CDH12: variants seen among roughly 807,000 people sequenced by gnomAD.
CDH12 encodes the protein cadherin-12.
A neutral mutation model predicts 74.1 loss-of-function variants in CDH12; 41 were observed. The ratio of observed to expected loss-of-function variants is 0.55; its 90% CI spans 0.43 to 0.72. The LOEUF (loss-of-function observed/expected upper bound fraction) is 0.72, where lower values mean the gene tolerates loss of function less well. CDH12 is among the 30% of genes least tolerant of loss of function. The pLI is 0.00. For missense variants in CDH12, 945 were observed against 977.2 expected (o/e 0.97, Z 0.44); for synonymous variants, 399 against 355.0 (o/e 1.12, Z -1.39).
intron 3 of CDH12, among the ~76,000 whole-genome samples, chr5:22,321,550 C>T (rs1317755036): frequency 3.1e-4 from 45 of 143,470 alleles, no homozygotes; most frequent in Non-Finnish European, 5.4e-4. Flanking sequence ...TGCTAGATGA[C>T]GAGTTAGTGG....
At chr5:21,906,571 T>C (rs1354570764) in intron 6 of CDH12, among the ~76,000 whole-genome samples, 4 of 152,052 alleles carry the variant, frequency 2.6e-5, no homozygotes, top group African/African-American at 4.8e-5. Context: ...ATATAATCCT[T>C]CAAATGATCT....
At chr5:22,660,391 G>T (rs375528667) in intron 1 of CDH12, among the ~76,000 whole-genome samples, 4 of 152,114 alleles carry the variant, frequency 2.6e-5, no homozygotes, top group East Asian at 3.8e-4. Flanking sequence ...AAATTCCAAC[G>T]TGAAGAGATT....
intron 8 of CDH12, among the ~76,000 whole-genome samples, chr5:21,832,907 TG>T (rs61147306): frequency 1.2e-5 from 1 of 80,808 alleles, no homozygotes; most frequent in African/African-American, 8.1e-5. Flanking sequence ...ATATAATATA[TG>T]ATATAATATT....
Position 22,078,529 on chromosome 5 carries a change from G to C in CDH12, c.148C>G (p.Gln50Glu). The C allele has an allele frequency of 6.2e-7, 1 of 1,613,908 alleles. No homozygotes were observed. The highest frequency in any genetic ancestry group is 8.5e-7 in the Non-Finnish European group (1 of 1,179,830). Residue 50 changes from glutamine to glutamate, a missense_variant, in exon 5 of 15, where the codon CAA becomes GAA. Physicochemically the swap from Gln to Glu is conservative, Grantham distance 29 (BLOSUM62 2). This residue lies in a region of CDH12 where 148 missense variants were observed against 162.8 expected (regional missense o/e 0.91). Coordinates refer to ENST00000382254, the MANE Select transcript of CDH12 (RefSeq NM_004061.5). ...CATACCCAGCCACGTTTAACACGTTGGAAATGTGACCGTTGTCCTGGCAGA... is the reference window on the plus strand; with the variant it reads ...CATACCCAGCCACGTTTAACACGTTCGAAATGTGACCGTTGTCCTGGCAGA... ...IHLPGQRSHF[Q>E]RVKRGWVWNQ...
At chr5:22,345,999 G>A (rs930958901) in intron 3 of CDH12, among the ~76,000 whole-genome samples, 1 of 151,766 alleles carries the variant, frequency 6.6e-6, no homozygotes, top group Admixed American at 6.6e-5. Flanking sequence ...CCAGCTACTC[G>A]GGAGGCTGAG....
chr5:22,348,002 C>T (rs183997409), intron 3 of CDH12, among the ~76,000 whole-genome samples: 7 of 152,244 alleles, frequency 4.6e-5, no homozygotes, highest in East Asian at 1.9e-4. Context: ...TCCTCCAGGA[C>T]GGTTCACCTT....
At chr5:22,329,064 A>T (rs761093825) in intron 3 of CDH12, among the ~76,000 whole-genome samples, 10 of 152,208 alleles carry the variant, frequency 6.6e-5, no homozygotes, top group Admixed American at 2.0e-4. Context: ...CTCAACACTG[A>T]GTAATTAATA....
intron 4 of CDH12, among the ~76,000 whole-genome samples, chr5:22,161,425 T>C (rs573229161): frequency 1.4e-4 from 22 of 152,252 alleles, no homozygotes; most frequent in African/African-American, 5.3e-4. Context: ...TGGCTGGGCA[T>C]GTTAGCTCAC....
chr5:22,669,049 A>G (rs1740771534), intron 1 of CDH12, among the ~76,000 whole-genome samples: 1 of 152,148 alleles, frequency 6.6e-6, no homozygotes, highest in Non-Finnish European at 1.5e-5. Context: ...CAAATGTGTT[A>G]TCATAACACT....
chr5:21,789,884 G>A (rs2149906018), intron 10 of CDH12, among the ~76,000 whole-genome samples: 1 of 152,128 alleles, frequency 6.6e-6, no homozygotes, highest in Middle Eastern at 3.4e-3. Flanking sequence ...TGTTGCCAAG[G>A]ACCTGGGATG....
At chr5:22,563,015 T>G (rs1224654591) in intron 1 of CDH12, among the ~76,000 whole-genome samples, 4 of 147,652 alleles carry the variant, frequency 2.7e-5, no homozygotes, top group East Asian at 2.0e-4. Flanking sequence ...AATATATATT[T>G]CTATATTTAA....
At chr5:22,240,728 T>G (rs1692801910) in intron 3 of CDH12, among the ~76,000 whole-genome samples, 1 of 152,030 alleles carries the variant, frequency 6.6e-6, no homozygotes, top group South Asian at 2.1e-4. Context: ...GAGATAGGGT[T>G]TCACCATGTT....
At chr5:21,996,146 G>C in intron 5 of CDH12, among the ~76,000 whole-genome samples, 1 of 121,898 alleles carries the variant, frequency 8.2e-6, no homozygotes, top group Non-Finnish European at 1.7e-5. Flanking sequence ...ATGCCTGCTT[G>C]AAGTGTAGAC....
rs149366308 is a variant in CDH12 at position 22,500,023 on chromosome 5, C to A, written c.-428+5247G>T. 6.0e-4 allele frequency among the ~76,000 whole-genome samples: 91 copies of A among 152,134 alleles called. 1 individual carries two copies. In the East Asian group the frequency reaches 0.011, roughly 19 times the overall value. ...CAGGCTCATGATCGTCCTTGAATAA[C>A]TGATTTTTTTTATTTCCTGCACTGT... On this transcript the variant is annotated intron_variant, in intron 2 of 14. Transcript: ENST00000382254.
intron 5 of CDH12, among the ~76,000 whole-genome samples, chr5:21,983,574 G>C (rs925719452): frequency 6.6e-6 from 1 of 152,132 alleles, no homozygotes; most frequent in African/African-American, 2.4e-5. Context: ...TGGACACTTA[G>C]TAAATTTTCT....
intron 5 of CDH12, among the ~76,000 whole-genome samples, chr5:22,059,277 A>G (rs1372110054): frequency 6.6e-6 from 1 of 151,524 alleles, no homozygotes; most frequent in Non-Finnish European, 1.5e-5. Context: ...CTATCTATCT[A>G]TCTATCTATC....
chr5:22,585,203 T>A (rs1203088435), intron 1 of CDH12, among the ~76,000 whole-genome samples: 1 of 152,206 alleles, frequency 6.6e-6, no homozygotes, highest in African/African-American at 2.4e-5. Flanking sequence ...AATATTTTCT[T>A]CCAGCACCCT....
intron 1 of CDH12, among the ~76,000 whole-genome samples, chr5:22,682,799 A>AG (rs1741564643): frequency 1.3e-5 from 2 of 152,006 alleles, no homozygotes; most frequent in African/African-American, 2.4e-5. Context: ...TCCTCCCCTC[A>AG]GAAAAAAAAA....
chr5:22,438,297 A>G (rs141438619), intron 2 of CDH12, among the ~76,000 whole-genome samples: 2 of 152,152 alleles, frequency 1.3e-5, no homozygotes, highest in East Asian at 3.9e-4. Flanking sequence ...CTCCTACAGA[A>G]TGTAAAGAAG....
Sources: allele counts gnomAD v4.1 joint callset (sites outside exome capture counted in the v4.1 genomes callset), GRCh38; gene constraint gnomAD v4.1.1; regional missense constraint gnomAD v4.1.1; transcripts MANE v1.5; gene names NCBI Gene and HGNC (gene_info 2026-07-23, HGNC 2026-07-21).